The following PRKG1 variants were observed in gnomAD, a reference collection of about 807,000 sequenced individuals.
The protein encoded by PRKG1 is protein kinase cGMP-dependent 1, also known as cGMP-dependent protein kinase 1.
PRKG1 carries 35 observed loss-of-function variants against 88.1 expected under a neutral mutation model. The ratio of observed to expected loss-of-function variants is 0.40; its 90% confidence interval spans 0.30 to 0.53. PRKG1 has a LOEUF of 0.53. PRKG1 is among the 20% of genes least tolerant of loss of function. The pLI is 0.59. For synonymous variants in PRKG1, 303 were observed against 292.5 expected, an observed-to-expected ratio of 1.04 and a Z score of -0.37; for missense variants, 540 against 839.8, an observed-to-expected ratio of 0.64 and a Z score of 4.41.
At chr10:51,564,149 A>G (rs975994969) in intron 3 of PRKG1, among the ~76,000 whole-genome samples, 2 of 152,112 alleles carry the variant, frequency 1.3e-5, no homozygotes, top group African/African-American at 4.8e-5. Context: ...TCATTATTGC[A>G]TACCTACTAC....
chr10:51,727,301 T>TA (rs138877519), intron 3 of PRKG1, among the ~76,000 whole-genome samples: 1 of 138,698 alleles, frequency 7.2e-6, no homozygotes, highest in Admixed American at 7.0e-5. Flanking sequence ...TATATATATA[T>TA]TTTTTTTACT....
At chr10:51,162,871 C>G (rs957510847) in intron 2 of PRKG1, among the ~76,000 whole-genome samples, 2 of 152,114 alleles carry the variant, frequency 1.3e-5, no homozygotes, top group Admixed American at 1.3e-4. Context: ...GTTCATGACA[C>G]CATACCCATC....
intron 5 of PRKG1, among the ~76,000 whole-genome samples, chr10:52,022,643 A>C (rs1358361190): frequency 6.6e-6 from 1 of 152,206 alleles, no homozygotes; most frequent in Admixed American, 6.5e-5. Flanking sequence ...TAAGTTGTAC[A>C]ATAGTGTATG....
At chr10:52,042,634 A>G (rs896443473) in intron 5 of PRKG1, among the ~76,000 whole-genome samples, 2 of 152,136 alleles carry the variant, frequency 1.3e-5, no homozygotes, top group Admixed American at 1.3e-4. Flanking sequence ...AAGAACATAT[A>G]AGGGAAATGC....
chr10:51,625,307 T>A lies in PRKG1; in HGVS notation c.592+157471T>A, dbSNP rs189515161. Among the ~76,000 whole-genome samples the A allele has an allele frequency of 5.4e-4, 82 of 152,192 alleles. 1 individual carries two copies. Among genetic ancestry groups the A allele is most frequent in the African/African-American group, 1.9e-3 (79 of 41,538 alleles). On this transcript the variant is annotated intron_variant, in intron 3 of 17. Coordinates refer to ENST00000373980, the MANE Select transcript of PRKG1 (RefSeq NM_006258.4). ...GACTGGCTAACATGGTGAAACCCCA[T>A]CTCTATTAAAAATACAAAAATTAAC...
chr10:51,560,185 G>A (rs751160461), intron 3 of PRKG1, among the ~76,000 whole-genome samples: 2 of 152,070 alleles, frequency 1.3e-5, no homozygotes, highest in Admixed American at 6.6e-5. Context: ...TGGTGGGTAG[G>A]TTGTGTTTTT....
At chr10:51,796,609 A>G (rs1486132496) in intron 3 of PRKG1, among the ~76,000 whole-genome samples, 1 of 152,120 alleles carries the variant, frequency 6.6e-6, no homozygotes, top group Non-Finnish European at 1.5e-5. Context: ...AATATTTAAA[A>G]GGTACTGTGC....
At chr10:51,457,272 A>C (rs293279) in intron 2 of PRKG1, among the ~76,000 whole-genome samples, 84,760 of 151,916 alleles carry the variant, frequency 0.56, 25,103 homozygotes, top group African/African-American at 0.75. Context: ...TAATGGCATT[A>C]GCAGCAACCT....
At chr10:52,160,096 C>T (rs1301976865) in intron 8 of PRKG1, among the ~76,000 whole-genome samples, 1 of 151,724 alleles carries the variant, frequency 6.6e-6, no homozygotes, top group Non-Finnish European at 1.5e-5. Flanking sequence ...AAAAAACCCC[C>T]AGAAAATTAG....
chr10:51,181,533 G>A (rs1041974213), intron 2 of PRKG1, among the ~76,000 whole-genome samples: 4 of 152,038 alleles, frequency 2.6e-5, no homozygotes, highest in African/African-American at 7.3e-5. Context: ...GAGCCACCGC[G>A]CCCGGCCTAG....
At chr10:52,266,621 C>T (rs1167472689) in intron 10 of PRKG1, among the ~76,000 whole-genome samples, 1 of 151,986 alleles carries the variant, frequency 6.6e-6, no homozygotes, top group Non-Finnish European at 1.5e-5. Context: ...TACTTGTTAG[C>T]ACTGAGGTGG....
chr10:51,728,453 G>GTTTTTTTTTTTTTTTTTTTTTTTTT (rs56975031), intron 3 of PRKG1, among the ~76,000 whole-genome samples: 1 of 58,806 alleles, frequency 1.7e-5, no homozygotes, highest in African/African-American at 6.2e-5. Flanking sequence ...TTTTTTCTTT[G>GTTTTTTTTTTTTTTTTTTTTTTTTT]TTTTTTTTTT....
chr10:52,154,732 G>C (rs373136724), intron 8 of PRKG1, among the ~76,000 whole-genome samples: 3 of 151,812 alleles, frequency 2.0e-5, no homozygotes, highest in East Asian at 1.9e-4. Context: ...TGAGATTTTG[G>C]TGCACCCATC....
chr10:51,784,392 G>C (rs767455660), intron 3 of PRKG1, among the ~76,000 whole-genome samples: 1 of 152,054 alleles, frequency 6.6e-6, no homozygotes, highest in East Asian at 1.9e-4. Context: ...GCATCAGCTC[G>C]TGTGTGTTCT....
chr10:51,973,483 T>C (rs1022379845), intron 5 of PRKG1, among the ~76,000 whole-genome samples: 1 of 152,104 alleles, frequency 6.6e-6, no homozygotes, highest in Non-Finnish European at 1.5e-5. Context: ...ACCTCAACAG[T>C]TTCTCTTGAA....
At chr10:51,614,242 A>G (rs1838986228) in intron 3 of PRKG1, among the ~76,000 whole-genome samples, 1 of 151,924 alleles carries the variant, frequency 6.6e-6, no homozygotes, top group African/African-American at 2.4e-5. Context: ...TTATAAAATG[A>G]CAATCTTCAT....
chr10:51,475,215 T>C (rs1244278852), intron 3 of PRKG1, among the ~76,000 whole-genome samples: 1 of 152,006 alleles, frequency 6.6e-6, no homozygotes, highest in African/African-American at 2.4e-5. Context: ...CTACTACCCA[T>C]ACCTAATGTA....
In PRKG1 at chr10:51,236,107, AAC is replaced by A. The variant is rs1331763963; in HGVS notation, c.478+82779_478+82780del. On this transcript the variant is annotated intron_variant, in intron 2 of 17. Coordinates refer to ENST00000373980, the MANE Select transcript of PRKG1 (RefSeq NM_006258.4). ...TGAGAACCACTGTTCTAAGAATAAGAACAGTTAATTTTAGTTCCAGAGTATGA... is the reference window on the plus strand; with the variant it reads ...TGAGAACCACTGTTCTAAGAATAAGAAGTTAATTTTAGTTCCAGAGTATGA... Among the ~76,000 whole-genome samples, 3 of 152,236 alleles carry A rather than the reference AAC, an allele frequency of 2.0e-5. No homozygotes were observed. In the East Asian group the frequency reaches 5.8e-4, roughly 29 times the overall value.
chr10:51,377,555 G>C (rs546140881), intron 2 of PRKG1, among the ~76,000 whole-genome samples: 55 of 152,152 alleles, frequency 3.6e-4, no homozygotes, highest in African/African-American at 1.3e-3. Flanking sequence ...CATGAAGCGG[G>C]CACCTATGGG....
Sources: allele counts gnomAD v4.1 joint callset (sites outside exome capture counted in the v4.1 genomes callset), GRCh38; gene constraint gnomAD v4.1.1; transcripts MANE v1.5; gene names NCBI Gene and HGNC (gene_info 2026-07-23, HGNC 2026-07-21).